MCF2L2: variants seen among roughly 807,000 people sequenced by gnomAD.
MCF2L2 encodes the protein probable guanine nucleotide exchange factor MCF2L2.
A neutral mutation model predicts 150.2 loss-of-function variants in MCF2L2; 102 were observed. That is an observed-to-expected ratio of 0.68 (90% CI 0.58 to 0.80). The LOEUF (loss-of-function observed/expected upper bound fraction) is 0.80. Among genes scored for constraint, MCF2L2 ranks in the 30% least tolerant of loss-of-function variants. MCF2L2 has a pLI of 0.00. For missense variants in MCF2L2, 1,256 were observed against 1,372.8 expected (o/e 0.91, Z 1.34); for synonymous variants, 465 against 491.3 (o/e 0.95, Z 0.71).
At chr3:183,300,330 G>T in intron 10 of MCF2L2, 134 bp from the exon 11 acceptor site, 1 of 784,962 alleles carries the variant, frequency 1.3e-6, no homozygotes, top group Non-Finnish European at 1.9e-6. Context: ...TGGAGAACCT[G>T]AGAAAGCTCG....
chr3:183,361,649 T>C (rs1390963137), intron 3 of MCF2L2, among the ~76,000 whole-genome samples: 4 of 152,232 alleles, frequency 2.6e-5, no homozygotes, highest in Non-Finnish European at 5.9e-5. Context: ...TTAAACCTCC[T>C]TTCTTCATAA....
chr3:183,298,794 C>CACACACACACA (rs1728690044), intron 11 of MCF2L2: 1 of 150,334 alleles, frequency 6.7e-6, no homozygotes, highest in Admixed American at 6.7e-5. Context: ...CACACACACA[C>CACACACACACA]CAGGCTTATA....
intron 11 of MCF2L2, chr3:183,299,669 T>C (rs941780851): frequency 1.3e-5 from 3 of 237,618 alleles, no homozygotes; most frequent in Non-Finnish European, 8.1e-6. Context: ...TCTGCAAATA[T>C]AGTGCTTGGT....
At position 183,283,496 on chromosome 3, in the gene MCF2L2, G is replaced by A; in HGVS notation, c.1776+5624C>T. ...TCCTCATTCTGGAATGCCCTTCAGT[G>A]TCTTACCCACCTTTCAGAGTTCTAT... On this transcript the variant is annotated intron_variant, in intron 14 of 29. Coordinates refer to ENST00000328913, the MANE Select transcript of MCF2L2 (RefSeq NM_015078.4). This position sits in a 1 kb window ranked among gnomAD's most constrained non-coding sequence, Gnocchi z 4.2. 6.6e-6 allele frequency among the ~76,000 whole-genome samples: 1 copy of A among 151,550 alleles called. No individual in the cohort carries two copies. The highest frequency in any genetic ancestry group is 1.9e-4 in the East Asian group (1 of 5,178).
intron 7 of MCF2L2, among the ~76,000 whole-genome samples, chr3:183,312,049 T>C (rs529847192): frequency 2.0e-5 from 3 of 152,328 alleles, no homozygotes; most frequent in Admixed American, 2.0e-4. Context: ...GCTATTGTTG[T>C]AAATTAAAAG....
chr3:183,362,622 T>C (rs1313584372), intron 3 of MCF2L2, among the ~76,000 whole-genome samples: 1 of 147,348 alleles, frequency 6.8e-6, no homozygotes, highest in African/African-American at 2.5e-5. Flanking sequence ...AAAAAAAAGA[T>C]GAGGATACAA....
intron 1 of MCF2L2, among the ~76,000 whole-genome samples, chr3:183,414,569 T>C (rs1296177090): frequency 6.6e-6 from 1 of 152,222 alleles, no homozygotes; most frequent in East Asian, 1.9e-4. Context: ...TAATTTCCTC[T>C]AATCTTCACT....
At chr3:183,273,345 T>TA (rs1004753056) in intron 15 of MCF2L2, 8 of 235,884 alleles carry the variant, frequency 3.4e-5, no homozygotes, top group Non-Finnish European at 6.1e-5. Context: ...TTAGTGAGTT[T>TA]AAAAAAAATC....
In MCF2L2 at chr3:183,379,396, T is replaced by G; in HGVS notation, c.176A>C (p.Asp59Ala). 6.2e-7 allele frequency: 1 copy of G among 1,610,044 alleles called. No homozygotes were observed. The highest frequency in any genetic ancestry group is 8.5e-7 in the Non-Finnish European group (1 of 1,178,308). The change falls in exon 3 of 30, where the codon GAT (aspartate) becomes GCT (alanine). Residue 59 changes from aspartate to alanine, a missense_variant. Asp to Ala is a moderately radical substitution (Grantham distance 126). Transcript: ENST00000328913. ...FAILSGGRGE[D>A]GAPIITFPEF... ...TGGGAACGTGATGATGGGGGCGCCA[T>G]CCTCCCCTCGGCCTCCTGCAACAAA...
At chr3:183,286,222 T>C (rs1346168457) in intron 14 of MCF2L2, among the ~76,000 whole-genome samples, 1 of 152,194 alleles carries the variant, frequency 6.6e-6, no homozygotes, top group Non-Finnish European at 1.5e-5. Context: ...TATCAGTGAC[T>C]GTATTATAGA....
chr3:183,326,728 G>A (rs1730058766), intron 5 of MCF2L2, among the ~76,000 whole-genome samples: 2 of 151,412 alleles, frequency 1.3e-5, no homozygotes, highest in South Asian at 4.2e-4. Flanking sequence ...ATGTAGCTCT[G>A]TCATTTTCCC....
intron 10 of MCF2L2, among the ~76,000 whole-genome samples, chr3:183,306,870 T>G (rs1432639384): frequency 6.6e-6 from 1 of 152,194 alleles, no homozygotes; most frequent in Non-Finnish European, 1.5e-5. Flanking sequence ...AATCAGGTGG[T>G]TCCTCCACCC....
At chr3:183,379,440 T>C (rs1434963508) in intron 2 of MCF2L2, 29 bp from the exon 3 acceptor site, 2 of 1,520,326 alleles carry the variant, frequency 1.3e-6, no homozygotes, top group Non-Finnish European at 1.8e-6. Flanking sequence ...GTCAAAATGT[T>C]AGCAAAATGT....
intron 15 of MCF2L2, among the ~76,000 whole-genome samples, chr3:183,238,439 C>T (rs1464740166): frequency 4.6e-5 from 7 of 151,882 alleles, no homozygotes; most frequent in South Asian, 2.1e-4. Context: ...GGACTGCAGG[C>T]GTGCGCCACC....
rs577133499 is a variant in MCF2L2, at chr3:183,272,498, T to G, written c.1862+4374A>C. The G allele has an allele frequency of 1.4e-5, 14 of 996,490 alleles. No homozygotes were observed. The African/African-American group carries it at 2.4e-4, about 17-fold the overall frequency. The allele number at this position is 996,490 out of a possible 1,614,324, so 61.7% of individuals were successfully genotyped here. ...ATACTTACAATTTTTAGCAGGTAGC[T>G]TTTTAATGTTTACAGAAATTTTAAT... is the stretch of plus-strand genomic sequence containing the variant. On this transcript the variant is annotated intron_variant, in intron 15 of 29. Coordinates refer to ENST00000328913, the MANE Select transcript of MCF2L2 (RefSeq NM_015078.4).
chr3:183,363,605 T>A (rs368013274), intron 3 of MCF2L2, among the ~76,000 whole-genome samples: 1 of 152,162 alleles, frequency 6.6e-6, no homozygotes, highest in Non-Finnish European at 1.5e-5. Flanking sequence ...CCAGGCATAA[T>A]GGTGCATGTC....
rs1171693810 is a variant in MCF2L2, at chr3:183,323,246, T to C, written c.592A>G (p.Asn198Asp). The change falls in exon 6 of 30, where the codon AAT becomes GAT. Residue 198 changes from asparagine (N) to aspartate (D), a missense_variant. Asn to Asp is a conservative substitution (Grantham distance 23, BLOSUM62 1). Transcript: ENST00000328913. ...AAGCTGGTACTCACAGTGCGGTGAT[T>C]TACCCACTGACCGTGGCGATATTCC... ...TLEYRHGQWV[N>D]HRTAIENFAL... is the part of the protein sequence containing the mutation. 3.7e-6 allele frequency: 6 copies of C among 1,610,268 alleles called. No individual in the cohort carries two copies. The highest frequency in any genetic ancestry group is 3.3e-5 in the South Asian group (3 of 90,876).
At chr3:183,190,065 C>T (rs888070662) in intron 27 of MCF2L2, among the ~76,000 whole-genome samples, 4 of 152,190 alleles carry the variant, frequency 2.6e-5, no homozygotes, top group South Asian at 2.1e-4. Flanking sequence ...TGTTTTAAAT[C>T]GATAATTAGT....
At chr3:183,353,019 G>A (rs973748167) in intron 3 of MCF2L2, among the ~76,000 whole-genome samples, 3 of 152,308 alleles carry the variant, frequency 2.0e-5, no homozygotes, top group Admixed American at 2.0e-4. Context: ...AACATGGGTG[G>A]AGACACACAT....
Sources: allele counts gnomAD v4.1 joint callset (sites outside exome capture counted in the v4.1 genomes callset), GRCh38; gene constraint gnomAD v4.1.1; non-coding constraint Gnocchi (gnomAD v3.1); transcripts MANE v1.5; gene names NCBI Gene and HGNC (gene_info 2026-07-23, HGNC 2026-07-21).